The following ATRNL1 variants were observed in gnomAD, a reference collection of about 807,000 sequenced individuals.
The protein encoded by ATRNL1 is attractin like 1, also known as attractin-like protein 1.
Under a neutral mutation model 182.7 loss-of-function variants are expected in ATRNL1, and 95 were observed. That is an observed-to-expected ratio of 0.52 (90% CI 0.44 to 0.62). The LOEUF is 0.62. ATRNL1 is among the 20% of genes least tolerant of loss of function. The pLI is 0.00. For missense variants in ATRNL1, 1,471 were observed against 1,679.5 expected (o/e 0.88, Z 2.17); for synonymous variants, 576 against 568.3 (o/e 1.01, Z -0.19).
rs1355622102 is a variant in ATRNL1, at chr10:115,945,868, G to A, written c.*1089G>A. ...AACAGGAGTCTTCTTCCCAACACGA[G>A]CGCATCCATGTCCTGAGAAAAAGTC... On this transcript the variant is annotated 3_prime_UTR_variant, in exon 29 of 29. Coordinates refer to ENST00000355044, the MANE Select transcript of ATRNL1 (RefSeq NM_207303.4). 6.6e-6 allele frequency: 1 copy of A among 152,190 alleles called. No individual in the cohort carries two copies. Among genetic ancestry groups the A allele is most frequent in the East Asian group, 1.9e-4 (1 of 5,182 alleles). The allele number at this position is 152,190 out of a possible 1,614,324, so 9.4% of individuals were successfully genotyped here.
At chr10:115,436,080 T>G (rs1014912657) in intron 21 of ATRNL1, among the ~76,000 whole-genome samples, 1 of 152,278 alleles carries the variant, frequency 6.6e-6, no homozygotes, top group East Asian at 1.9e-4. Context: ...AAAGTTGCTT[T>G]AAGTTTATTA....
At chr10:115,567,487 A>G (rs1287442698) in intron 26 of ATRNL1, among the ~76,000 whole-genome samples, 2 of 152,120 alleles carry the variant, frequency 1.3e-5, no homozygotes, top group Non-Finnish European at 2.9e-5. Flanking sequence ...GCAGAAATTT[A>G]TATCAATTAA....
chr10:115,237,242 A>C (rs781792348), intron 9 of ATRNL1, among the ~76,000 whole-genome samples: 4 of 152,078 alleles, frequency 2.6e-5, no homozygotes, highest in Non-Finnish European at 5.9e-5. Flanking sequence ...CATATTTTCA[A>C]CTCATTCAGG....
Position 115,168,752 on chromosome 10 carries a change from G to A in ATRNL1, c.1093-2285G>A, listed in dbSNP as rs182445039. Among the ~76,000 whole-genome samples the A allele has an allele frequency of 1.1e-4, 17 of 151,936 alleles. No individual in the cohort carries two copies. In the East Asian group the frequency reaches 1.2e-3, roughly 10 times the overall value. ...ATTTGCAAATATTTTCACCCATTTC[G>A]TGTGCTGTTTTCACTTTCTTGATGT... is the stretch of plus-strand genomic sequence containing the variant. On this transcript the variant is annotated intron_variant, in intron 7 of 28. Coordinates refer to ENST00000355044, the MANE Select transcript of ATRNL1 (RefSeq NM_207303.4).
At chr10:115,493,304 C>T (rs1849398738) in intron 24 of ATRNL1, among the ~76,000 whole-genome samples, 1 of 152,036 alleles carries the variant, frequency 6.6e-6, no homozygotes, top group South Asian at 2.1e-4. Context: ...GTATATTGTT[C>T]CCTTCTTCAT....
chr10:115,278,891 G>A (rs1852222591), intron 13 of ATRNL1, among the ~76,000 whole-genome samples: 1 of 151,846 alleles, frequency 6.6e-6, no homozygotes, highest in Non-Finnish European at 1.5e-5. Context: ...ATAACAGATG[G>A]CTGCATATGA....
chr10:115,710,139 A>T (rs1555054113), intron 26 of ATRNL1, among the ~76,000 whole-genome samples: 13 of 151,832 alleles, frequency 8.6e-5, no homozygotes. Context: ...TAGTAAAAAA[A>T]AAACAATAAA....
intron 24 of ATRNL1, among the ~76,000 whole-genome samples, chr10:115,515,318 C>CTTTTTTTTTTTTTTT: frequency 8.3e-6 from 1 of 120,206 alleles, no homozygotes; most frequent in Non-Finnish European, 1.7e-5. Context: ...AATAGTTGTT[C>CTTTTTTTTTTTTTTT]TTTTTTTTTT....
intron 26 of ATRNL1, among the ~76,000 whole-genome samples, chr10:115,597,299 T>G: frequency 6.6e-6 from 1 of 152,242 alleles, no homozygotes; most frequent in Non-Finnish European, 1.5e-5. Context: ...AAATTATAAT[T>G]TATTCATAAT....
chr10:115,156,920 G>A (rs1311650019), intron 5 of ATRNL1, among the ~76,000 whole-genome samples: 2 of 152,090 alleles, frequency 1.3e-5, no homozygotes, highest in Admixed American at 1.3e-4. Flanking sequence ...ATGTCATGGA[G>A]GTAGAGTAGA....
At chr10:115,330,317 G>A (rs1441273196) in intron 18 of ATRNL1, among the ~76,000 whole-genome samples, 2 of 151,900 alleles carry the variant, frequency 1.3e-5, no homozygotes, top group Non-Finnish European at 2.9e-5. Context: ...CTTGACCCAC[G>A]ATTACCATGT....
At chr10:115,132,539 T>A (rs1845300684) in intron 5 of ATRNL1, among the ~76,000 whole-genome samples, 1 of 152,182 alleles carries the variant, frequency 6.6e-6, no homozygotes, top group South Asian at 2.1e-4. Context: ...TAGTTTACAG[T>A]CCCACCAACA....
At chr10:115,555,193 G>C (rs895075943) in intron 26 of ATRNL1, among the ~76,000 whole-genome samples, 1 of 151,816 alleles carries the variant, frequency 6.6e-6, no homozygotes, top group Non-Finnish European at 1.5e-5. Context: ...CAGGAACTCA[G>C]AGAGAAGTAG....
At chr10:115,344,656 G>GC (rs2134104520) in intron 19 of ATRNL1, among the ~76,000 whole-genome samples, 1 of 152,256 alleles carries the variant, frequency 6.6e-6, no homozygotes, top group South Asian at 2.1e-4. Flanking sequence ...AAGGTACAAG[G>GC]CAAAGTACCA....
intron 12 of ATRNL1, among the ~76,000 whole-genome samples, chr10:115,267,457 T>A (rs1302070918): frequency 6.6e-6 from 1 of 151,880 alleles, no homozygotes; most frequent in Non-Finnish European, 1.5e-5. Context: ...TTTATATTTC[T>A]TATAAAATGG....
At chr10:115,527,363 C>T (rs115024167) in intron 25 of ATRNL1, among the ~76,000 whole-genome samples, 139 of 152,090 alleles carry the variant, frequency 9.1e-4, no homozygotes, top group African/African-American at 3.0e-3. Flanking sequence ...TCAAGTGATC[C>T]GCTCACCTCG....
chr10:115,296,263 A>C (rs1392172577), intron 15 of ATRNL1, among the ~76,000 whole-genome samples: 1 of 152,026 alleles, frequency 6.6e-6, no homozygotes, highest in African/African-American at 2.4e-5. Context: ...GCCTTTCTGG[A>C]CTTCCATTCA....
At chr10:115,131,238 G>T (rs1236706810) in intron 5 of ATRNL1, among the ~76,000 whole-genome samples, 1 of 152,006 alleles carries the variant, frequency 6.6e-6, no homozygotes, top group Non-Finnish European at 1.5e-5. Flanking sequence ...ATGTGTGTGT[G>T]TATGCATATA....
At chr10:115,642,931 G>A (rs1859345845) in intron 26 of ATRNL1, among the ~76,000 whole-genome samples, 1 of 152,256 alleles carries the variant, frequency 6.6e-6, no homozygotes, top group East Asian at 1.9e-4. Flanking sequence ...GAAACATTTG[G>A]CAATGTCTGG....
Sources: gnomAD v4.1 joint callset for allele counts (sites outside exome capture counted in the v4.1 genomes callset) on GRCh38, gnomAD v4.1.1 for gene constraint, MANE v1.5 for transcripts, NCBI Gene and HGNC (gene_info 2026-07-23, HGNC 2026-07-21) for gene names.